Variants in MDGA1 observed in about 807,000 individuals in gnomAD.
The protein encoded by MDGA1 is MAM domain containing glycosylphosphatidylinositol anchor 1.
Under a neutral mutation model 101.5 loss-of-function variants are expected in MDGA1, and 54 were observed. That is an observed-to-expected ratio of 0.53 (90% confidence interval 0.43 to 0.67). The LOEUF (loss-of-function observed/expected upper bound fraction) is 0.67. Among genes scored for constraint, MDGA1 ranks in the 30% least tolerant of loss-of-function variants. MDGA1 has a pLI of 0.00. For synonymous variants in MDGA1, 533 were observed against 558.3 expected (o/e 0.95, Z 0.64); for missense variants, 1,083 against 1,323.8 (o/e 0.82, Z 2.82).
chr6:37,644,558 G>T lies in MDGA1; in HGVS notation c.2340C>A (p.Thr780=), dbSNP rs1764179836. Residue 780 remains threonine, a synonymous_variant, in exon 13 of 17, where the codon ACC becomes ACA. Transcript: ENST00000434837. The part of the protein sequence containing the change: ...NFDWTRQNAL[T]QNPKRSPNTG... ...TGTTGGGGGAGCGTTTGGGGTTCTG[G>T]GTGAGGGCATTCTGCCGCGTCCAGT... is the stretch of plus-strand genomic sequence containing the variant. The T allele has an allele frequency of 6.2e-7, 1 of 1,608,636 alleles. No individual in the cohort carries two copies. Among genetic ancestry groups the T allele is most frequent in the South Asian group, 1.1e-5 (1 of 90,348 alleles).
intron 1 of MDGA1, among the ~76,000 whole-genome samples, chr6:37,675,067 A>AAAAAACAAC (rs1275556624): frequency 5.3e-5 from 8 of 152,280 alleles, no homozygotes; most frequent in African/African-American, 1.9e-4. Context: ...AAAAAAGCAA[A>AAAAAACAAC]AACAGCAACA....
chr6:37,648,597 T>G, intron 9 of MDGA1: 2 of 274,042 alleles, frequency 7.3e-6, no homozygotes, highest in South Asian at 7.2e-5. Context: ...CCTAGGCCTG[T>G]GGGAAGGCTA....
chr6:37,656,077 C>CTTTTT, intron 3 of MDGA1, among the ~76,000 whole-genome samples, 181 bp from the exon 4 acceptor site: 2 of 142,166 alleles, frequency 1.4e-5, no homozygotes, highest in Non-Finnish European at 3.0e-5. Flanking sequence ...GGACTTTTTC[C>CTTTTT]TTTTTTTTTT....
rs1193400341 is a variant in MDGA1 at position 37,655,957 on chromosome 6, G to GCTC, written c.383-64_383-62dup. The GCTC allele has an allele frequency of 7.1e-7, 1 of 1,418,214 alleles. No homozygotes were observed. Among genetic ancestry groups the GCTC allele is most frequent in the Non-Finnish European group, 9.5e-7 (1 of 1,049,522 alleles). 87.9% of individuals were successfully genotyped at this position (1,418,214 alleles called of 1,614,324 possible). On this transcript the variant is annotated intron_variant, in intron 3 of 16. Transcript: ENST00000434837. This position sits in a 1 kb window ranked among gnomAD's most constrained non-coding sequence, Gnocchi z 5.1. ...GTGACCCCAAGGTTGGGGGGCTCAG[G>GCTC]CTCCTGGCAGCCCTTAGGAAGAGCT...
intron 1 of MDGA1, among the ~76,000 whole-genome samples, chr6:37,674,884 C>T (rs917069295): frequency 2.0e-5 from 3 of 151,996 alleles, no homozygotes; most frequent in South Asian, 2.1e-4. Flanking sequence ...GGTGAAACCT[C>T]GTCTCTACTA....
intron 14 of MDGA1, 63 bp downstream of exon 14, chr6:37,643,746 A>G (rs1764148521): frequency 1.9e-6 from 3 of 1,597,480 alleles, no homozygotes; most frequent in Non-Finnish European, 2.6e-6. Context: ...CCTCCTGTGG[A>G]CCCCACTCCC....
chr6:37,643,115 G>A (rs1457494085), intron 14 of MDGA1, among the ~76,000 whole-genome samples: 3 of 152,164 alleles, frequency 2.0e-5, no homozygotes, highest in East Asian at 3.8e-4. Flanking sequence ...CTCTGAGTTG[G>A]ATGGTAACAC....
intron 8 of MDGA1, 103 bp downstream of exon 8, chr6:37,650,006 G>T (rs753301275): frequency 6.5e-6 from 9 of 1,379,728 alleles, no homozygotes; most frequent in Middle Eastern, 1.8e-4. Flanking sequence ...TAGCTGGTGG[G>T]GTTTGGTTGG....
Position 37,633,590 on chromosome 6 carries a change from T to G in MDGA1, c.*3778A>C, listed in dbSNP as rs1763865627. 6.6e-6 allele frequency: 1 copy of G among 152,334 alleles called. No individual in the cohort carries two copies. The highest frequency in any genetic ancestry group is 1.5e-5 in the Non-Finnish European group (1 of 68,122). The allele number at this position is 152,334 out of a possible 1,614,324, so 9.4% of individuals were successfully genotyped here. A position where few individuals can be genotyped will look rare whatever the true frequency, so the allele number is the denominator to read the frequency against. On this transcript the variant is annotated 3_prime_UTR_variant, in exon 17 of 17. Coordinates refer to ENST00000434837, the MANE Select transcript of MDGA1 (RefSeq NM_153487.4). ...GGGGGCCTGGGAGAAGGGCAGCAGCTGCAGACACTGTGGTGGGAGGGTGGC... is the reference window on the plus strand; with the variant it reads ...GGGGGCCTGGGAGAAGGGCAGCAGCGGCAGACACTGTGGTGGGAGGGTGGC...
In MDGA1 at chr6:37,696,241, G is replaced by A. The variant is rs1360426199; in HGVS notation, c.67+504C>T. On this transcript the variant is annotated intron_variant, in intron 1 of 16. Transcript: ENST00000434837. The surrounding 1 kb of genome is among the most constrained non-coding windows in gnomAD (Gnocchi z 5.6). ...AGGGGATGCCGGCATCCTGATCAGGGTGTCAAGCCCTGAGTAGAAGAAGCG... is the reference window on the plus strand; with the variant it reads ...AGGGGATGCCGGCATCCTGATCAGGATGTCAAGCCCTGAGTAGAAGAAGCG... Among the ~76,000 whole-genome samples, 1 of 152,212 alleles carries A rather than the reference G, an allele frequency of 6.6e-6. No individual in the cohort carries two copies. The highest frequency in any genetic ancestry group is 1.5e-5 in the Non-Finnish European group (1 of 68,034).
intron 1 of MDGA1, among the ~76,000 whole-genome samples, chr6:37,676,744 A>G (rs770492405): frequency 9.9e-5 from 15 of 152,146 alleles, no homozygotes; most frequent in Non-Finnish European, 2.2e-4. Context: ...CTAAAAATAC[A>G]AAATTAGCTG....
At chr6:37,676,990 C>T (rs1009659081) in intron 1 of MDGA1, among the ~76,000 whole-genome samples, 3 of 151,934 alleles carry the variant, frequency 2.0e-5, no homozygotes, top group South Asian at 2.1e-4. Flanking sequence ...TAAGCCCCCA[C>T]TTCCCCATAT....
chr6:37,680,532 T>C (rs1762071067), intron 1 of MDGA1, among the ~76,000 whole-genome samples: 1 of 152,226 alleles, frequency 6.6e-6, no homozygotes, highest in Non-Finnish European at 1.5e-5. Flanking sequence ...CTGGCAGCAC[T>C]AGTCCAGTGC....
At position 37,696,730 on chromosome 6, in the gene MDGA1, G is replaced by C; in HGVS notation, c.67+15C>G. 6.4e-7 allele frequency: 1 copy of C among 1,571,274 alleles called. No homozygotes were observed. Among genetic ancestry groups the C allele is most frequent in the Non-Finnish European group, 8.6e-7 (1 of 1,157,274 alleles). The stretch of plus-strand genomic sequence containing the variant: ...GCGAGGTTAAGCCAAGGTGGAGCGG[G>C]ACGCGGGCTCTTACCGTAGACTCCT... On this transcript the variant is annotated intron_variant, in intron 1 of 16. Transcript: ENST00000434837. This position sits in a 1 kb window ranked among gnomAD's most constrained non-coding sequence, Gnocchi z 5.6.
At chr6:37,648,466 C>T (rs538733352) in intron 9 of MDGA1, 6 of 158,854 alleles carry the variant, frequency 3.8e-5, no homozygotes, top group Non-Finnish European at 6.9e-5. Flanking sequence ...CGGCTGGAAG[C>T]TGGGATTGGA....
intron 1 of MDGA1, among the ~76,000 whole-genome samples, chr6:37,685,624 G>A (rs1217678586): frequency 6.6e-6 from 1 of 152,178 alleles, no homozygotes; most frequent in Non-Finnish European, 1.5e-5. Flanking sequence ...GAGCTCTTCT[G>A]CCTTCGGGGC....
chr6:37,662,538 A>T (rs12208683), intron 2 of MDGA1, among the ~76,000 whole-genome samples: 53,815 of 151,326 alleles, frequency 0.36, 11,797 homozygotes, highest in Non-Finnish European at 0.49. Flanking sequence ...TGGTCAGATG[A>T]GGTGGGAGGA....
At chr6:37,656,432 G>T (rs1581600971) in intron 3 of MDGA1, among the ~76,000 whole-genome samples, 2 of 151,556 alleles carry the variant, frequency 1.3e-5, no homozygotes, top group Non-Finnish European at 2.9e-5. Context: ...AAGGGGAATG[G>T]CGCAATCATC....
chr6:37,696,000 G>T (rs571585946), intron 1 of MDGA1, among the ~76,000 whole-genome samples: 10 of 152,192 alleles, frequency 6.6e-5, no homozygotes, highest in Non-Finnish European at 1.3e-4. Context: ...GCGTGCGGAC[G>T]CAGGAGCAAG....
Sources: allele counts gnomAD v4.1 joint callset (sites outside exome capture counted in the v4.1 genomes callset), GRCh38; gene constraint gnomAD v4.1.1; non-coding constraint Gnocchi (gnomAD v3.1); transcripts MANE v1.5; gene names NCBI Gene and HGNC (gene_info 2026-07-23, HGNC 2026-07-21).